The following SPMIP10 variants were observed in gnomAD, a reference collection of about 807,000 sequenced individuals.
The protein encoded by SPMIP10 is sperm microtubule inner protein 10, also known as sperm-associated microtubule inner protein 10.
At chr5:126,633,215 C>G in the SPMIP10 span, among the ~76,000 whole-genome samples, 5 of 151,692 alleles carry the variant, frequency 3.3e-5, no homozygotes, top group East Asian at 7.7e-4. Context: ...TCAGAAGATG[C>G]CATTAATATT....
chr5:126,634,894 T>C, the SPMIP10 span, among the ~76,000 whole-genome samples: 1 of 152,024 alleles, frequency 6.6e-6, no homozygotes, highest in Non-Finnish European at 1.5e-5. Flanking sequence ...GCACACAGAC[T>C]AGGTGCAGTG....
At chr5:126,631,776 CACTA>C in the SPMIP10 span, 1 of 1,612,612 alleles carries the variant, frequency 6.2e-7, no homozygotes, top group African/African-American at 1.3e-5. Flanking sequence ...TGCCTAAACT[CACTA>C]ACAACTGCTC....
At chr5:126,635,946 G>C in the SPMIP10 span, 7 of 1,162,912 alleles carry the variant, frequency 6.0e-6, no homozygotes, top group African/African-American at 9.2e-5. Context: ...ACAGGCATGA[G>C]CCATGGCTCC....
chr5:126,633,008 C>CGTATATATATATATATATATATATATAT, the SPMIP10 span, among the ~76,000 whole-genome samples: 1 of 125,332 alleles, frequency 8.0e-6, no homozygotes, highest in African/African-American at 3.9e-5. Context: ...ATAAATTTTA[C>CGTATATATATATATATATATATATATAT]ATATATATAT....
chr5:126,635,999 A>G, the SPMIP10 span: 1 of 1,517,788 alleles, frequency 6.6e-7, no homozygotes, highest in Admixed American at 1.7e-5. Flanking sequence ...ATGATGTTTG[A>G]TGTGATACAC....
chr5:126,632,856 G>A, the SPMIP10 span, among the ~76,000 whole-genome samples: 1 of 151,728 alleles, frequency 6.6e-6, no homozygotes, highest in South Asian at 2.1e-4. Flanking sequence ...GCATGGTGGC[G>A]GGCAGTTGTA....
chr5:126,632,684 AAAAAC>A, the SPMIP10 span: 6 of 1,220,682 alleles, frequency 4.9e-6, no homozygotes, highest in Non-Finnish European at 6.1e-6. Flanking sequence ...CATAAGGAAA[AAAAAC>A]AAAAACAAAA....
At chr5:126,631,885 T>TTG in the SPMIP10 span, 3 of 968,078 alleles carry the variant, frequency 3.1e-6, no homozygotes, top group Non-Finnish European at 5.0e-6. Context: ...GCCACAAAGA[T>TTG]ACGGTCAATA....
At chr5:126,631,787 G>A in the SPMIP10 span, 3 of 1,612,068 alleles carry the variant, frequency 1.9e-6, no homozygotes, top group Non-Finnish European at 2.5e-6. Flanking sequence ...ACTAACAACT[G>A]CTCTGATGAG....
At chr5:126,632,545 G>T in the SPMIP10 span, 1 of 1,533,850 alleles carries the variant, frequency 6.5e-7, no homozygotes, top group South Asian at 1.1e-5. Flanking sequence ...CTAATCATCA[G>T]GTATGAAGAG....
chr5:126,633,024 T>TATATAA, the SPMIP10 span, among the ~76,000 whole-genome samples: 3 of 138,890 alleles, frequency 2.2e-5, no homozygotes, highest in African/African-American at 9.3e-5. Flanking sequence ...TATATATATA[T>TATATAA]ATATATATAA....
chr5:126,633,804 C>A, the SPMIP10 span, among the ~76,000 whole-genome samples: 3 of 152,112 alleles, frequency 2.0e-5, no homozygotes, highest in Non-Finnish European at 4.4e-5. Context: ...GCTGGGACTA[C>A]AGGCACATGC....
At chr5:126,636,194 T>C in the SPMIP10 span, 5 of 1,614,052 alleles carry the variant, frequency 3.1e-6, no homozygotes, top group African/African-American at 4.0e-5. Context: ...TCTCTCCAGA[T>C]ACCAAAGCAC....
the SPMIP10 span, among the ~76,000 whole-genome samples, chr5:126,634,353 A>G: frequency 6.6e-6 from 1 of 152,098 alleles, no homozygotes; most frequent in African/African-American, 2.4e-5. Flanking sequence ...AATCGCTTGA[A>G]TCCGGGAGAC....
the SPMIP10 span, chr5:126,636,116 G>A: frequency 1.2e-6 from 2 of 1,614,144 alleles, no homozygotes; most frequent in East Asian, 4.5e-5. Flanking sequence ...CCATGGGGAA[G>A]ATCGTAAAGT....
chr5:126,636,275 C>G, the SPMIP10 span: 1 of 1,519,118 alleles, frequency 6.6e-7, no homozygotes, highest in Non-Finnish European at 9.1e-7. Flanking sequence ...GTGTTTCAAT[C>G]TCTGCTCTCT....
At chr5:126,631,746 G>A in the SPMIP10 span, 1 of 1,610,954 alleles carries the variant, frequency 6.2e-7, no homozygotes, top group Non-Finnish European at 8.5e-7. Flanking sequence ...TGGCTTCAGG[G>A]AAAGATACTT....
At chr5:126,633,850 G>A in the SPMIP10 span, among the ~76,000 whole-genome samples, 1 of 147,488 alleles carries the variant, frequency 6.8e-6, no homozygotes, top group Admixed American at 6.6e-5. Flanking sequence ...TTTTTGTAGA[G>A]ATGGGATCTC....
At chr5:126,631,933 T>A in the SPMIP10 span, 1 of 678,632 alleles carries the variant, frequency 1.5e-6, no homozygotes, top group Non-Finnish European at 2.6e-6. Flanking sequence ...CAGAAAGCTT[T>A]ATGTTCCAGA....
Sources: allele counts gnomAD v4.1 joint callset (sites outside exome capture counted in the v4.1 genomes callset), GRCh38; gene constraint gnomAD v4.1.1; transcripts MANE v1.5; gene names NCBI Gene and HGNC (gene_info 2026-07-23, HGNC 2026-07-21).